COLQ: variants seen among roughly 807,000 people sequenced by gnomAD.
COLQ encodes the protein acetylcholinesterase collagenic tail peptide.
Under a neutral mutation model 69.0 loss-of-function variants are expected in COLQ, and 48 were observed. The ratio of observed to expected loss-of-function variants is 0.70; its 90% CI spans 0.55 to 0.88. The LOEUF is 0.88. Ranked by LOEUF, COLQ falls within the 40% of genes least tolerant of loss-of-function variation. The probability of loss-of-function intolerance (pLI) is 0.00; values close to 1 mark genes in which losing one functional copy is unlikely to be tolerated. For synonymous variants in COLQ, 217 were observed against 211.2 expected, an observed-to-expected ratio of 1.03 and a Z score of -0.24; for missense variants, 618 against 594.6, an observed-to-expected ratio of 1.04 and a Z score of -0.41.
chr3:15,472,538 G>T (rs2062305214), intron 10 of COLQ, among the ~76,000 whole-genome samples: 1 of 152,190 alleles, frequency 6.6e-6, no homozygotes, highest in African/African-American at 2.4e-5. Flanking sequence ...CATGTTTGAA[G>T]AATATGATGG....
intron 1 of COLQ, 139 bp downstream of exon 1, chr3:15,521,381 T>TG (rs1334993621): frequency 1.8e-5 from 20 of 1,103,758 alleles, no homozygotes; most frequent in Non-Finnish European, 2.7e-5. Flanking sequence ...AGGAAGCTGC[T>TG]GGGGTGGCCG....
intron 15 of COLQ, among the ~76,000 whole-genome samples, chr3:15,455,217 C>T (rs921005599): frequency 2.0e-5 from 3 of 152,186 alleles, no homozygotes; most frequent in African/African-American, 4.8e-5. Context: ...CTGTAAATTG[C>T]CCCCCATTAC....
chr3:15,459,974 C>A (rs2062084218), intron 12 of COLQ, among the ~76,000 whole-genome samples: 1 of 152,096 alleles, frequency 6.6e-6, no homozygotes, highest in African/African-American at 2.4e-5. Flanking sequence ...CTTCATCCTC[C>A]ATCCCTCCCC....
rs554009695 is a variant in COLQ at position 15,456,138 on chromosome 3, A to AG, written c.1075-120dup. 6.6e-4 allele frequency: 812 copies of AG among 1,235,208 alleles called. 3 individuals carry two copies. Among genetic ancestry groups the AG allele is most frequent in the Admixed American group, 1.2e-3 (64 of 51,206 alleles). The allele number at this position is 1,235,208 out of a possible 1,614,324, so 76.5% of individuals were successfully genotyped here. A position where few individuals can be genotyped will look rare whatever the true frequency, so the allele number is the denominator to read the frequency against. ...GGGGGGCATGCCTTGACTTCCTCCC[A>AG]GGGGTGGGAAAGGTACTCCTTTCCT... On this transcript the variant is annotated intron_variant, in intron 14 of 16. Transcript: ENST00000383788.
At chr3:15,520,026 G>C (rs2125194898) in intron 1 of COLQ, among the ~76,000 whole-genome samples, 1 of 152,350 alleles carries the variant, frequency 6.6e-6, no homozygotes, top group South Asian at 2.1e-4. Flanking sequence ...AAGTCAGGGA[G>C]CTCATCAGAG....
At chr3:15,474,663 A>G (rs2062347986) in intron 8 of COLQ, among the ~76,000 whole-genome samples, 1 of 152,122 alleles carries the variant, frequency 6.6e-6, no homozygotes, top group South Asian at 2.1e-4. Flanking sequence ...CTTATTCTCT[A>G]CCTGGCACGG....
intron 1 of COLQ, among the ~76,000 whole-genome samples, chr3:15,516,532 C>T (rs1231060139): frequency 6.6e-6 from 1 of 152,156 alleles, no homozygotes; most frequent in Non-Finnish European, 1.5e-5. Flanking sequence ...TCCTGCCTTC[C>T]TGGAAAATCC....
chr3:15,470,628 GA>G lies in COLQ; in HGVS notation c.637-13del. 6.2e-7 allele frequency: 1 copy of G among 1,613,842 alleles called. No individual in the cohort carries two copies. Among genetic ancestry groups the G allele is most frequent in the Non-Finnish European group, 8.5e-7 (1 of 1,179,758 alleles). On this transcript the variant is annotated splice_polypyrimidine_tract_variant and intron_variant, in intron 10 of 16. Transcript: ENST00000383788. The stretch of plus-strand genomic sequence containing the variant: ...GGACCCATTTCACCCTGGAAAGAAG[GA>G]AAGAGAAGCAAGAGAGGACTTAGGG...
At chr3:15,458,448 T>G (rs2062057742) in intron 12 of COLQ, 123 bp from the exon 13 acceptor site, 1 of 1,073,426 alleles carries the variant, frequency 9.3e-7, no homozygotes, top group African/African-American at 1.6e-5. Context: ...AGGGTATGCC[T>G]GAGGGAGAGG....
At chr3:15,498,562 G>A in intron 1 of COLQ, 6 of 1,552,000 alleles carry the variant, frequency 3.9e-6, no homozygotes, top group Non-Finnish European at 3.5e-6. Flanking sequence ...GAGCAGATGA[G>A]CGAGGCTGAA....
At chr3:15,479,140 G>T in intron 4 of COLQ, 137 bp from the exon 5 acceptor site, 1 of 1,207,734 alleles carries the variant, frequency 8.3e-7, no homozygotes, top group Non-Finnish European at 1.2e-6. Flanking sequence ...CCTCTGCCAT[G>T]TCGATAGGCC....
At chr3:15,481,584 G>T (rs1459843352) in intron 3 of COLQ, among the ~76,000 whole-genome samples, 1 of 152,140 alleles carries the variant, frequency 6.6e-6, no homozygotes, top group Non-Finnish European at 1.5e-5. Flanking sequence ...TCTCTGTTTT[G>T]GTGCCAGTAC....
At chr3:15,517,155 A>G (rs115584635) in intron 1 of COLQ, among the ~76,000 whole-genome samples, 2 of 152,186 alleles carry the variant, frequency 1.3e-5, no homozygotes, top group African/African-American at 4.8e-5. Context: ...AAAAACAAAC[A>G]AAAAAGAATC....
At chr3:15,483,888 T>G (rs557454610) in intron 3 of COLQ, among the ~76,000 whole-genome samples, 30 of 152,370 alleles carry the variant, frequency 2.0e-4, no homozygotes, top group Non-Finnish European at 3.4e-4. Flanking sequence ...TTTATGAATC[T>G]GGGTGCTCCT....
intron 1 of COLQ, among the ~76,000 whole-genome samples, chr3:15,490,601 G>T (rs1320700628): frequency 6.6e-6 from 1 of 152,232 alleles, no homozygotes; most frequent in Non-Finnish European, 1.5e-5. Flanking sequence ...TGTTACTGCT[G>T]AATAGTGTCC....
At position 15,473,997 on chromosome 3, in the gene COLQ, T is replaced by C. The variant is rs370205417; in HGVS notation, c.636+3A>G. On this transcript the variant is annotated splice_donor_region_variant and intron_variant, in intron 10 of 16. Coordinates refer to ENST00000383788, the MANE Select transcript of COLQ (RefSeq NM_005677.4). The surrounding 1 kb of genome is among the most constrained non-coding windows in gnomAD (Gnocchi z 4.0). ...CTATTTTCACTACCTCAAGGTTACT[T>C]ACTTTCTGCCCCAACATTCCAGGAA... 3.1e-6 allele frequency: 5 copies of C among 1,614,166 alleles called. No homozygotes were observed. Among genetic ancestry groups the C allele is most frequent in the Non-Finnish European group, 4.2e-6 (5 of 1,180,010 alleles).
chr3:15,504,463 G>A (rs2062876034), intron 1 of COLQ, among the ~76,000 whole-genome samples: 3 of 152,182 alleles, frequency 2.0e-5, no homozygotes, highest in African/African-American at 7.2e-5. Context: ...TGTGTGTTCA[G>A]ATTTCCTCTT....
intron 1 of COLQ, among the ~76,000 whole-genome samples, chr3:15,499,083 C>T (rs1382825305): frequency 6.6e-6 from 1 of 150,686 alleles, no homozygotes; most frequent in East Asian, 2.0e-4. Flanking sequence ...ACCTTCATGG[C>T]CAGGGGTCTC....
chr3:15,465,608 A>G (rs1387078732), intron 12 of COLQ, among the ~76,000 whole-genome samples: 2 of 105,002 alleles, frequency 1.9e-5, no homozygotes, highest in South Asian at 2.9e-4. Context: ...TTCTTTCTAC[A>G]TCTTTTTTTT....
Sources: allele counts gnomAD v4.1 joint callset (sites outside exome capture counted in the v4.1 genomes callset), GRCh38; gene constraint gnomAD v4.1.1; non-coding constraint Gnocchi (gnomAD v3.1); transcripts MANE v1.5; gene names NCBI Gene and HGNC (gene_info 2026-07-23, HGNC 2026-07-21).